Variants in MYB observed in about 807,000 individuals in gnomAD.
The protein encoded by MYB is MYB proto-oncogene, transcription factor.
Under a neutral mutation model 92.9 loss-of-function variants are expected in MYB, and 28 were observed. The ratio of observed to expected loss-of-function variants is 0.30; its 90% CI spans 0.22 to 0.41. The LOEUF is 0.41. Among genes scored for constraint, MYB ranks in the 10% least tolerant of loss-of-function variants. The pLI is 1.00. For synonymous variants in MYB, 295 were observed against 329.1 expected, an observed-to-expected ratio of 0.90 and a Z score of 1.12; for missense variants, 679 against 929.3, an observed-to-expected ratio of 0.73 and a Z score of 3.50.
intron 9 of MYB, 77 bp downstream of exon 9, chr6:135,196,079 T>A (rs1777254752): frequency 6.9e-7 from 1 of 1,440,598 alleles, no homozygotes; most frequent in African/African-American, 1.4e-5. Context: ...CATTGCCATT[T>A]TCTATAGCCA....
chr6:135,181,483 G>A lies in MYB; in HGVS notation c.-31G>A, dbSNP rs954469601. On this transcript the variant is annotated 5_prime_UTR_variant, in exon 1 of 16. Coordinates refer to ENST00000341911, the MANE Select transcript of MYB (RefSeq NM_001130173.2). The surrounding 1 kb of genome is among the most constrained non-coding windows in gnomAD (Gnocchi z 5.3). ...GCGGCAGCCCGGTGCGGTCCCCGCG[G>A]CTCTCGGCGGAGCCCCGCGCCCGCC... is the stretch of plus-strand genomic sequence containing the variant. 44 of 1,118,154 alleles carry A rather than the reference G, an allele frequency of 3.9e-5. No homozygotes were observed. In the Admixed American group the frequency reaches 5.6e-4, roughly 14 times the overall value. The allele number at this position is 1,118,154 out of a possible 1,614,324, so 69.3% of individuals were successfully genotyped here.
chr6:135,185,207 T>C (rs1775757129), intron 1 of MYB, among the ~76,000 whole-genome samples: 1 of 152,206 alleles, frequency 6.6e-6, no homozygotes, highest in Non-Finnish European at 1.5e-5. Context: ...AAACTAAGTA[T>C]TGTAAACATG....
Position 135,212,897 on chromosome 6 carries a change from G to C in MYB, c.2170-4967G>C, listed in dbSNP as rs1468683436. On this transcript the variant is annotated intron_variant, in intron 15 of 15. Coordinates refer to ENST00000341911, the MANE Select transcript of MYB (RefSeq NM_001130173.2). Reference sequence around the variant, plus strand: ...TTTGTCAAAATAATTCTTTCTGCATGAAAAGTTGGCATGGGGCTCCCAGGC... The same window carrying C: ...TTTGTCAAAATAATTCTTTCTGCATCAAAAGTTGGCATGGGGCTCCCAGGC... Among the ~76,000 whole-genome samples, 3 of 152,320 alleles carry C rather than the reference G, an allele frequency of 2.0e-5. No homozygotes were observed. In the East Asian group the frequency reaches 5.8e-4, roughly 29 times the overall value.
In MYB at chr6:135,197,276, A is replaced by G; in HGVS notation, c.1519A>G (p.Thr507Ala). ...CATATTTGCTGACGTCAGCAGTTCAACTCCCAAGCGTTCCCCTGTCAAAAG... is the reference window on the plus strand; with the variant it reads ...CATATTTGCTGACGTCAGCAGTTCAGCTCCCAAGCGTTCCCCTGTCAAAAG... ...SFIFADVSSS[T>A]PKRSPVKSLP... The change falls in exon 10 of 16, where the codon ACT (threonine) becomes GCT (alanine). Residue 507 changes from threonine to alanine, a missense_variant. By Grantham distance (58) the Thr-to-Ala change is moderately conservative (BLOSUM62 0). Transcript: ENST00000341911. 2 of 1,613,546 alleles carry G rather than the reference A, an allele frequency of 1.2e-6. No homozygotes were observed. The highest frequency in any genetic ancestry group is 1.7e-6 in the Non-Finnish European group (2 of 1,179,712).
At chr6:135,186,634 T>C (rs1775953429) in intron 2 of MYB, among the ~76,000 whole-genome samples, 1 of 152,230 alleles carries the variant, frequency 6.6e-6, no homozygotes, top group Non-Finnish European at 1.5e-5. Context: ...TTTTACAGTG[T>C]ATTGATTTAA....
chr6:135,216,259 C>G (rs1397097740), intron 15 of MYB, among the ~76,000 whole-genome samples: 2 of 152,146 alleles, frequency 1.3e-5, no homozygotes, highest in African/African-American at 4.8e-5. Flanking sequence ...CAGGGATGCT[C>G]AAGTCCCTGA....
At chr6:135,193,990 T>TA (rs1776959025) in intron 7 of MYB, 72 bp downstream of exon 7, 8 of 1,224,302 alleles carry the variant, frequency 6.5e-6, no homozygotes, top group Non-Finnish European at 4.8e-6. Context: ...TCTAAACACA[T>TA]ATTTTTACCT....
At chr6:135,204,429 G>C (rs932292227) in intron 15 of MYB, among the ~76,000 whole-genome samples, 11 of 152,130 alleles carry the variant, frequency 7.2e-5, no homozygotes, top group Non-Finnish European at 2.9e-5. Flanking sequence ...CTCCCAATTA[G>C]CTGGAATTAC....
intron 15 of MYB, among the ~76,000 whole-genome samples, chr6:135,214,125 T>A (rs926302725): frequency 5.5e-4 from 83 of 151,934 alleles, no homozygotes; most frequent in Non-Finnish European, 9.1e-4. Context: ...AAATTTTTTT[T>A]AAAAAACATA....
chr6:135,189,454 A>C (rs1266566673), intron 3 of MYB, among the ~76,000 whole-genome samples: 1 of 152,222 alleles, frequency 6.6e-6, no homozygotes, highest in Admixed American at 6.5e-5. Flanking sequence ...ACAACATAGA[A>C]TCTCTATCAA....
At chr6:135,213,543 T>C (rs1187624327) in intron 15 of MYB, among the ~76,000 whole-genome samples, 1 of 152,200 alleles carries the variant, frequency 6.6e-6, no homozygotes, top group African/African-American at 2.4e-5. Context: ...GAATCGACTT[T>C]GGGAATTCTG....
rs1257694278 is a variant in MYB, at chr6:135,203,256, G to A, written c.2101G>A (p.Glu701Lys). The change falls in exon 15 of 16, where the codon GAA (glutamate) becomes AAA (lysine). Residue 701 changes from glutamate (E) to lysine (K), a missense_variant. By Grantham distance (56) the Glu-to-Lys change is moderately conservative. This residue lies in a region of MYB where 402 missense variants were observed against 434.2 expected (regional missense o/e 0.93). Transcript: ENST00000341911. ...CTCCGTTTTAATGGCACCAGCATCA[G>A]AAGATGAAGACAATGTTCTCAAAGC... ...TSSVLMAPAS[E>K]DEDNVLKAFT... is the part of the protein sequence containing the mutation. 1.2e-6 allele frequency: 2 copies of A among 1,611,394 alleles called. No individual in the cohort carries two copies. The highest frequency in any genetic ancestry group is 2.7e-5 in the African/African-American group (2 of 74,870).
chr6:135,199,091 A>T (rs752747913), intron 11 of MYB, 41 bp downstream of exon 11: 1 of 1,466,760 alleles, frequency 6.8e-7, no homozygotes, highest in Non-Finnish European at 9.2e-7. Context: ...TATCTTATTT[A>T]CTTATATTTA....
intron 8 of MYB, chr6:135,194,932 T>C: frequency 7.6e-7 from 1 of 1,308,298 alleles, no homozygotes; most frequent in Non-Finnish European, 1.0e-6. Flanking sequence ...TAACATTAGC[T>C]GCTCTCTTTT....
At chr6:135,203,143 C>T in intron 14 of MYB, 74 bp from the exon 15 acceptor site, 2 of 1,083,438 alleles carry the variant, frequency 1.8e-6, no homozygotes, top group Non-Finnish European at 2.8e-6. Flanking sequence ...AATCTACTCT[C>T]CACAGTGTTA....
rs1775127700 is a variant in MYB, at chr6:135,182,014, T to C, written c.23+478T>C. Among the ~76,000 whole-genome samples, 2 of 152,182 alleles carry C rather than the reference T, an allele frequency of 1.3e-5. No individual in the cohort carries two copies. The highest frequency in any genetic ancestry group is 4.1e-4 in the South Asian group (2 of 4,828). On this transcript the variant is annotated intron_variant, in intron 1 of 15. Transcript: ENST00000341911. This position sits in a 1 kb window ranked among gnomAD's most constrained non-coding sequence, Gnocchi z 5.6. Reference sequence around the variant, plus strand: ...TGTTTAGTAGCTGCAGGTAGTTCATTTAAATTTCATTCATTCTTTATGGAG... The same window carrying C: ...TGTTTAGTAGCTGCAGGTAGTTCATCTAAATTTCATTCATTCTTTATGGAG...
intron 15 of MYB, among the ~76,000 whole-genome samples, chr6:135,208,178 A>G (rs192137028): frequency 4.9e-4 from 71 of 144,598 alleles, no homozygotes; most frequent in Middle Eastern, 4.0e-3. Context: ...TCTTGGGTTC[A>G]AGTGATTCTT....
intron 10 of MYB, among the ~76,000 whole-genome samples, chr6:135,198,447 A>C (rs1486572957): frequency 1.3e-5 from 2 of 152,212 alleles, no homozygotes; most frequent in Non-Finnish European, 2.9e-5. Context: ...GTGTTCTGAG[A>C]GACACAGTTT....
intron 15 of MYB, among the ~76,000 whole-genome samples, chr6:135,209,575 C>A (rs182279074): frequency 6.6e-6 from 1 of 152,260 alleles, no homozygotes; most frequent in East Asian, 1.9e-4. Context: ...CTCCATGTAT[C>A]CCCTAATCTA....
Sources: allele counts gnomAD v4.1 joint callset (sites outside exome capture counted in the v4.1 genomes callset), GRCh38; gene constraint gnomAD v4.1.1; regional missense constraint gnomAD v4.1.1; non-coding constraint Gnocchi (gnomAD v3.1); transcripts MANE v1.5; gene names NCBI Gene and HGNC (gene_info 2026-07-23, HGNC 2026-07-21).